The following PLEKHM3 variants were observed in gnomAD, a reference collection of about 807,000 sequenced individuals.
PLEKHM3 encodes the protein pleckstrin homology domain-containing family M member 3.
PLEKHM3 carries 45 observed loss-of-function variants against 81.8 expected under a neutral mutation model. That is an observed-to-expected ratio of 0.55 (90% confidence interval 0.43 to 0.71). The LOEUF (loss-of-function observed/expected upper bound fraction) is 0.71, where lower values mean the gene tolerates loss of function less well. Among genes scored for constraint, PLEKHM3 ranks in the 30% least tolerant of loss-of-function variants. The pLI is 0.00. For synonymous variants in PLEKHM3, 352 were observed against 356.4 expected (o/e 0.99, Z 0.14); for missense variants, 788 against 924.3 (o/e 0.85, Z 1.91).
At chr2:207,937,532 T>C (rs1689796114) in intron 4 of PLEKHM3, among the ~76,000 whole-genome samples, 1 of 149,594 alleles carries the variant, frequency 6.7e-6, no homozygotes, top group South Asian at 2.1e-4. Context: ...GTCATGCCAC[T>C]GCACTCCAGC....
At chr2:207,995,031 T>A (rs910690751) in intron 2 of PLEKHM3, among the ~76,000 whole-genome samples, 3 of 151,980 alleles carry the variant, frequency 2.0e-5, no homozygotes, top group Non-Finnish European at 4.4e-5. Context: ...AGCATAATAA[T>A]TTTTTTTAAT....
In PLEKHM3 at chr2:207,828,450, A is replaced by G. The variant is rs750869128; in HGVS notation, c.2155T>C (p.Ser719Pro). 1.2e-6 allele frequency: 2 copies of G among 1,613,956 alleles called. No individual in the cohort carries two copies. The highest frequency in any genetic ancestry group is 4.5e-5 in the East Asian group (2 of 44,882). ...AVFHSECKEKSVPCPRCVRRE... is the reference protein window; with the variant it reads ...AVFHSECKEKPVPCPRCVRRE... ...CGAACACACCTCGGGCAGGGGACAG[A>G]CTTTTCTTTGCATTCAGAATGGAAA... Residue 719 changes from serine to proline, a missense_variant, in exon 8 of 8, where the codon TCT becomes CCT. Transcript: ENST00000427836.
chr2:207,889,066 A>G lies in PLEKHM3; in HGVS notation c.1950+19448T>C, dbSNP rs141894590. Among the ~76,000 whole-genome samples, 13 of 152,242 alleles carry G rather than the reference A, an allele frequency of 8.5e-5. No homozygotes were observed. The East Asian group carries it at 2.5e-3, about 29-fold the overall frequency. Reference sequence around the variant, plus strand: ...TCAACTTTTTTGGATCTGTCCAATTACTTTGTGGTGATCTGAATGGGTCAT... The same window carrying G: ...TCAACTTTTTTGGATCTGTCCAATTGCTTTGTGGTGATCTGAATGGGTCAT... On this transcript the variant is annotated intron_variant, in intron 6 of 7. Coordinates refer to ENST00000427836, the MANE Select transcript of PLEKHM3 (RefSeq NM_001080475.3).
At chr2:207,958,251 T>C (rs1690589529) in intron 3 of PLEKHM3, among the ~76,000 whole-genome samples, 1 of 152,074 alleles carries the variant, frequency 6.6e-6, no homozygotes, top group African/African-American at 2.4e-5. Context: ...CACCATCATC[T>C]ACTAGACTAC....
chr2:207,959,743 G>T (rs1043585731), intron 3 of PLEKHM3, among the ~76,000 whole-genome samples: 3 of 152,188 alleles, frequency 2.0e-5, no homozygotes, highest in Admixed American at 6.5e-5. Flanking sequence ...TTTTGGTAAT[G>T]ATAACAATTT....
At chr2:208,020,878 T>C (rs537264658) in intron 1 of PLEKHM3, among the ~76,000 whole-genome samples, 34 of 152,102 alleles carry the variant, frequency 2.2e-4, no homozygotes, top group Non-Finnish European at 4.4e-4. Context: ...AGGGTGACAA[T>C]GGGAAAATAA....
intron 7 of PLEKHM3, among the ~76,000 whole-genome samples, chr2:207,842,723 TAAG>T (rs1251500480): frequency 7.9e-5 from 12 of 152,314 alleles, no homozygotes; most frequent in Middle Eastern, 3.4e-3. Context: ...GTCACAATAA[TAAG>T]AATAGTTCTG....
rs376663737 is a variant in PLEKHM3 at position 207,973,407 on chromosome 2, C to T, written c.1546+3244G>A. Among the ~76,000 whole-genome samples the T allele has an allele frequency of 2.0e-5, 3 of 152,298 alleles. No homozygotes were observed. The South Asian group carries it at 6.2e-4, about 32-fold the overall frequency. ...TTTTCTTTTGAGACTCTGCCCCCTACAGGAGATCAGGAAATAAAGTATTCT... is the reference window on the plus strand; with the variant it reads ...TTTTCTTTTGAGACTCTGCCCCCTATAGGAGATCAGGAAATAAAGTATTCT... On this transcript the variant is annotated intron_variant, in intron 3 of 7. Coordinates refer to ENST00000427836, the MANE Select transcript of PLEKHM3 (RefSeq NM_001080475.3).
Position 207,827,467 on chromosome 2 carries a change from A to G in PLEKHM3, c.*852T>C, listed in dbSNP as rs1416218006. The G allele has an allele frequency of 1.3e-5, 2 of 152,186 alleles. No homozygotes were observed. Among genetic ancestry groups the G allele is most frequent in the African/African-American group, 4.8e-5 (2 of 41,420 alleles). The allele number at this position is 152,186 out of a possible 1,614,324, so 9.4% of individuals were successfully genotyped here. A position where few individuals can be genotyped will look rare whatever the true frequency, so the allele number is the denominator to read the frequency against. On this transcript the variant is annotated 3_prime_UTR_variant, in exon 8 of 8. Transcript: ENST00000427836. ...CAGCATCATGAAAAAAATCATAAAT[A>G]TCAACCATGGGCACCCGTTGAAAAC... is the stretch of plus-strand genomic sequence containing the variant.
At chr2:207,992,324 C>A (rs1433994751) in intron 2 of PLEKHM3, among the ~76,000 whole-genome samples, 3 of 152,170 alleles carry the variant, frequency 2.0e-5, no homozygotes, top group Non-Finnish European at 4.4e-5. Flanking sequence ...AGGATAATAT[C>A]ATCTATTATG....
At position 208,019,233 on chromosome 2, in the gene PLEKHM3, G is replaced by T. The variant is rs190935760; in HGVS notation, c.-319+6156C>A. Reference sequence around the variant, plus strand: ...AGGTAGGAGGATCGCTTGGGCTCAGGAGTTTGAGGCTGCAGTGAGCTATGA... The same window carrying T: ...AGGTAGGAGGATCGCTTGGGCTCAGTAGTTTGAGGCTGCAGTGAGCTATGA... On this transcript the variant is annotated intron_variant, in intron 1 of 7. Coordinates refer to ENST00000427836, the MANE Select transcript of PLEKHM3 (RefSeq NM_001080475.3). Among the ~76,000 whole-genome samples, 51 of 152,276 alleles carry T rather than the reference G, an allele frequency of 3.3e-4. 1 individual carries two copies. In the East Asian group the frequency reaches 9.1e-3, roughly 27 times the overall value.
intron 1 of PLEKHM3, among the ~76,000 whole-genome samples, chr2:208,013,532 A>G (rs1692774354): frequency 6.6e-6 from 1 of 152,164 alleles, no homozygotes; most frequent in African/African-American, 2.4e-5. Context: ...AAAAAAAAAA[A>G]AAGAAATCAT....
At chr2:207,996,534 C>A (rs1338123868) in intron 2 of PLEKHM3, among the ~76,000 whole-genome samples, 1 of 152,042 alleles carries the variant, frequency 6.6e-6, no homozygotes, top group Non-Finnish European at 1.5e-5. Context: ...GAAGATAAAA[C>A]AATGGGTAAA....
chr2:207,890,739 A>C (rs1253439257), intron 6 of PLEKHM3, among the ~76,000 whole-genome samples: 1 of 152,230 alleles, frequency 6.6e-6, no homozygotes, highest in African/African-American at 2.4e-5. Flanking sequence ...TCTGAGTTTG[A>C]ATTTCAGACT....
chr2:207,999,596 T>C (rs1435766236), intron 2 of PLEKHM3, among the ~76,000 whole-genome samples: 1 of 152,118 alleles, frequency 6.6e-6, no homozygotes, highest in Non-Finnish European at 1.5e-5. Flanking sequence ...CAACAAGACC[T>C]TGTCCCTAAA....
At chr2:208,014,090 A>G (rs1692794263) in intron 1 of PLEKHM3, among the ~76,000 whole-genome samples, 1 of 152,154 alleles carries the variant, frequency 6.6e-6, no homozygotes, top group Non-Finnish European at 1.5e-5. Flanking sequence ...GGCTGCATCT[A>G]TGACCTCTCC....
At chr2:207,902,310 G>A (rs887718317) in intron 6 of PLEKHM3, among the ~76,000 whole-genome samples, 23 of 152,198 alleles carry the variant, frequency 1.5e-4, no homozygotes, top group African/African-American at 5.1e-4. Context: ...GGTTTGTTTG[G>A]TGGGGCAGGG....
chr2:208,009,347 C>T (rs943123374), intron 1 of PLEKHM3, among the ~76,000 whole-genome samples: 2 of 152,152 alleles, frequency 1.3e-5, no homozygotes, highest in South Asian at 2.1e-4. Flanking sequence ...CCACCTCTTC[C>T]GCAAGCTTTT....
chr2:207,890,103 C>A (rs1021320455), intron 6 of PLEKHM3, among the ~76,000 whole-genome samples: 1 of 152,180 alleles, frequency 6.6e-6, no homozygotes, highest in Non-Finnish European at 1.5e-5. Context: ...CCGTCCCCTG[C>A]CTATTCGTTC....
Sources: allele counts gnomAD v4.1 joint callset (sites outside exome capture counted in the v4.1 genomes callset), GRCh38; gene constraint gnomAD v4.1.1; transcripts MANE v1.5; gene names NCBI Gene and HGNC (gene_info 2026-07-23, HGNC 2026-07-21).